The following SLC22A16 variants were observed in gnomAD, a reference collection of about 807,000 sequenced individuals.
SLC22A16 encodes the protein solute carrier family 22 member 16.
In SLC22A16, 53 loss-of-function variants were observed where a neutral mutation model predicts 52.9. The ratio of observed to expected loss-of-function variants is 1.00; its 90% CI spans 0.80 to 1.26. SLC22A16 has a LOEUF of 1.26. SLC22A16 is among the 50% of genes most tolerant of loss of function. SLC22A16 has a pLI of 0.00. For synonymous variants in SLC22A16, 291 were observed against 268.8 expected, an observed-to-expected ratio of 1.08 and a Z score of -0.81; for missense variants, 726 against 704.0, an observed-to-expected ratio of 1.03 and a Z score of -0.35.
intron 2 of SLC22A16, among the ~76,000 whole-genome samples, chr6:110,448,701 C>T (rs1457901601): frequency 6.6e-6 from 1 of 152,204 alleles, no homozygotes; most frequent in Non-Finnish European, 1.5e-5. Flanking sequence ...CAAACAACTT[C>T]TCTCTCTGTA....
intron 1 of SLC22A16, among the ~76,000 whole-genome samples, chr6:110,460,899 G>A (rs968498569): frequency 3.3e-5 from 5 of 152,268 alleles, no homozygotes; most frequent in African/African-American, 1.2e-4. Flanking sequence ...GTGCTCCTTG[G>A]GACAAAGGAA....
intron 1 of SLC22A16, among the ~76,000 whole-genome samples, chr6:110,459,492 T>C (rs1265557530): frequency 6.6e-6 from 1 of 152,146 alleles, no homozygotes; most frequent in Non-Finnish European, 1.5e-5. Flanking sequence ...CTGGCCAATA[T>C]ACCTAAAGAC....
chr6:110,459,566 G>T (rs769034335), intron 1 of SLC22A16, among the ~76,000 whole-genome samples: 65 of 152,202 alleles, frequency 4.3e-4, no homozygotes, highest in Non-Finnish European at 7.3e-4. Flanking sequence ...ATGCAGTGTG[G>T]TGCTCTGGGA....
intron 1 of SLC22A16, among the ~76,000 whole-genome samples, chr6:110,472,890 G>T (rs899251860): frequency 2.0e-5 from 3 of 152,204 alleles, no homozygotes; most frequent in Admixed American, 6.5e-5. Context: ...TCTGAGTGAC[G>T]GATGAAGAAA....
At chr6:110,469,347 A>G (rs758110774) in intron 1 of SLC22A16, among the ~76,000 whole-genome samples, 1 of 152,154 alleles carries the variant, frequency 6.6e-6, no homozygotes, top group Non-Finnish European at 1.5e-5. Context: ...ACTCCTGGTG[A>G]AACCCCATCT....
chr6:110,450,728 CT>C lies in SLC22A16; in HGVS notation c.534-3739del, dbSNP rs1321156909. On this transcript the variant is annotated intron_variant, in intron 2 of 7. Transcript: ENST00000368919. ...GGTGGGATCAGATCTTATTTCTTTG[CT>C]TTTTTTATTATAATATTTTATACAT... Among the ~76,000 whole-genome samples the C allele has an allele frequency of 5.4e-5, 8 of 149,454 alleles. No homozygotes were observed. The South Asian group carries it at 1.7e-3, about 32-fold the overall frequency.
In SLC22A16 at chr6:110,468,684, G is replaced by GAAGAAGAAA. The variant is rs565070439; in HGVS notation, c.53+7837_53+7838insTTTCTTCTT. Among the ~76,000 whole-genome samples the GAAGAAGAAA allele has an allele frequency of 9.6e-3, 1,444 of 150,660 alleles. 25 individuals are homozygous for GAAGAAGAAA. The highest frequency in any genetic ancestry group is 0.034 in the African/African-American group (1,380 of 40,838). ...ACAAAATGGAGAAGAAGAAGAAGAA[G>GAAGAAGAAA]AAGAAAAAGAAAAAAAGAAATCAGC... On this transcript the variant is annotated intron_variant, in intron 1 of 7. Transcript: ENST00000368919.
intron 1 of SLC22A16, among the ~76,000 whole-genome samples, chr6:110,473,674 G>A (rs566203779): frequency 3.4e-5 from 5 of 147,272 alleles, no homozygotes; most frequent in South Asian, 2.1e-4. Flanking sequence ...ACAGGCCCCC[G>A]CCACCATGCC....
chr6:110,444,950 A>T (rs1775110849), intron 3 of SLC22A16, among the ~76,000 whole-genome samples: 2 of 152,300 alleles, frequency 1.3e-5, no homozygotes, highest in Non-Finnish European at 2.9e-5. Flanking sequence ...ATTATTTCTC[A>T]TGAGTCAGCT....
intron 5 of SLC22A16, among the ~76,000 whole-genome samples, chr6:110,438,340 T>C (rs1440380544): frequency 6.6e-6 from 1 of 152,138 alleles, no homozygotes; most frequent in African/African-American, 2.4e-5. Flanking sequence ...TTTTTTATTT[T>C]TTGAGATGAG....
chr6:110,445,460 G>A (rs1775133716), intron 3 of SLC22A16, among the ~76,000 whole-genome samples: 1 of 152,160 alleles, frequency 6.6e-6, no homozygotes, highest in Non-Finnish European at 1.5e-5. Context: ...TACTGAGACA[G>A]CTGGGTCTGG....
At chr6:110,425,638 C>T (rs1176351164) in intron 7 of SLC22A16, among the ~76,000 whole-genome samples, 1 of 152,220 alleles carries the variant, frequency 6.6e-6, no homozygotes, top group Non-Finnish European at 1.5e-5. Flanking sequence ...AAACAAATTG[C>T]TACTTTATGG....
Position 110,442,325 on chromosome 6 carries a change from T to G in SLC22A16, c.1102A>C (p.Thr368Pro), listed in dbSNP as rs371966308. 1.9e-6 allele frequency: 3 copies of G among 1,614,094 alleles called. No individual in the cohort carries two copies. The highest frequency in any genetic ancestry group is 2.5e-6 in the Non-Finnish European group (3 of 1,180,044). Residue 368 changes from threonine (T) to proline (P), a missense_variant, in exon 4 of 8, where the codon ACT becomes CCT. Thr to Pro is a conservative substitution (Grantham distance 38). Transcript: ENST00000368919. ...RTLTVWLIWF[T>P]GSLGFYSFSL... ...AACGAGTAGAATCCCAAACTTCCAG[T>G]GAACCAGATTAGCCAAACGGTAAGT... is the stretch of plus-strand genomic sequence containing the variant.
At chr6:110,436,939 C>T (rs542958359) in intron 5 of SLC22A16, among the ~76,000 whole-genome samples, 5 of 152,246 alleles carry the variant, frequency 3.3e-5, no homozygotes, top group African/African-American at 7.2e-5. Flanking sequence ...GGTGGCCTTG[C>T]GGCTGATGTG....
At chr6:110,450,631 A>G (rs1027570593) in intron 2 of SLC22A16, among the ~76,000 whole-genome samples, 1 of 151,716 alleles carries the variant, frequency 6.6e-6, no homozygotes, top group Non-Finnish European at 1.5e-5. Context: ...AAAAAAAAAA[A>G]AAAAGCATTT....
At chr6:110,437,824 G>A (rs1774793200) in intron 5 of SLC22A16, among the ~76,000 whole-genome samples, 1 of 152,174 alleles carries the variant, frequency 6.6e-6, no homozygotes, top group Admixed American at 6.5e-5. Flanking sequence ...ATATGGGAAT[G>A]TGAAAGTCAT....
chr6:110,441,893 T>C (rs1284077047), intron 4 of SLC22A16, among the ~76,000 whole-genome samples: 1 of 152,196 alleles, frequency 6.6e-6, no homozygotes, highest in Non-Finnish European at 1.5e-5. Flanking sequence ...AAGACTGCAT[T>C]GACATGGGTA....
chr6:110,456,801 C>G lies in SLC22A16; in HGVS notation c.270G>C (p.Leu90Phe). The G allele has an allele frequency of 6.8e-6, 11 of 1,614,214 alleles. No homozygotes were observed. Among genetic ancestry groups the G allele is most frequent in the Non-Finnish European group, 9.3e-6 (11 of 1,180,030 alleles). The change falls in exon 2 of 8, where the codon TTG becomes TTC. Residue 90 changes from leucine (L) to phenylalanine (F), a missense_variant. Coordinates refer to ENST00000368919, the MANE Select transcript of SLC22A16 (RefSeq NM_033125.4). The stretch of plus-strand genomic sequence containing the variant: ...AGAGCTCCCAGATCTCACCATTCTG[C>G]AACTGCACCGTAACATAATCTTTCT... ...SGQKDYVTVQLQNGEIWELSR... is the reference protein window; with the variant it reads ...SGQKDYVTVQFQNGEIWELSR...
intron 4 of SLC22A16, 39 bp from the exon 5 acceptor site, chr6:110,438,886 C>T (rs779793645): frequency 1.2e-6 from 2 of 1,608,834 alleles, no homozygotes; most frequent in Admixed American, 3.4e-5. Context: ...GTCTAGGTAC[C>T]CGACTGCAAA....
Sources: allele counts gnomAD v4.1 joint callset (sites outside exome capture counted in the v4.1 genomes callset), GRCh38; gene constraint gnomAD v4.1.1; transcripts MANE v1.5; gene names NCBI Gene and HGNC (gene_info 2026-07-23, HGNC 2026-07-21).